Variants in PARP8 observed in about 807,000 individuals in gnomAD.
PARP8 encodes the protein poly(ADP-ribose) polymerase family member 8.
PARP8 carries 51 observed loss-of-function variants against 124.1 expected under a neutral mutation model. The observed-to-expected ratio is 0.41, with a 90% confidence interval of 0.33 to 0.52. The LOEUF (loss-of-function observed/expected upper bound fraction) is 0.52, where lower values mean the gene tolerates loss of function less well. Among genes scored for constraint, PARP8 ranks in the 20% least tolerant of loss-of-function variants. The pLI, the probability that PARP8 is intolerant of heterozygous loss-of-function variation, is 0.21. For synonymous variants in PARP8, 391 were observed against 361.5 expected (o/e 1.08, Z -0.93); for missense variants, 860 against 1,018.9 (o/e 0.84, Z 2.12).
At chr5:50,783,441 A>G (rs1740894802) in intron 9 of PARP8, among the ~76,000 whole-genome samples, 1 of 152,160 alleles carries the variant, frequency 6.6e-6, no homozygotes, top group South Asian at 2.1e-4. Context: ...GCTGTTAGAC[A>G]TTTTTTGATT....
intron 10 of PARP8, among the ~76,000 whole-genome samples, chr5:50,790,084 G>A (rs1229635670): frequency 6.6e-6 from 1 of 152,116 alleles, no homozygotes; most frequent in African/African-American, 2.4e-5. Context: ...TGAGTTGTGT[G>A]CCTACCACAT....
chr5:50,822,300 A>T (rs1158078201), intron 16 of PARP8, 35 bp from the exon 17 acceptor site: 1 of 1,462,680 alleles, frequency 6.8e-7, no homozygotes, highest in East Asian at 2.3e-5. Context: ...TTATAAGCAA[A>T]TGCTGTTTTT....
At chr5:50,679,194 T>G (rs1751001341) in intron 2 of PARP8, among the ~76,000 whole-genome samples, 1 of 152,178 alleles carries the variant, frequency 6.6e-6, no homozygotes, top group African/African-American at 2.4e-5. Context: ...CTGATCAATA[T>G]AAATGCATGC....
chr5:50,668,795 T>C (rs1180035390), intron 2 of PARP8: 4 of 152,306 alleles, frequency 2.6e-5, no homozygotes, highest in Admixed American at 6.5e-5. Context: ...TCAAATACTA[T>C]GCCTTGCTAC....
At chr5:50,727,517 TGTTAATGTACATG>T (rs1237788073) in intron 2 of PARP8, among the ~76,000 whole-genome samples, 2 of 152,208 alleles carry the variant, frequency 1.3e-5, no homozygotes, top group African/African-American at 4.8e-5. Flanking sequence ...AAAATACTTC[TGTTAATGTACATG>T]GCTTGTAGGC....
chr5:50,671,314 G>A (rs1321177173), intron 2 of PARP8, among the ~76,000 whole-genome samples: 2 of 152,180 alleles, frequency 1.3e-5, no homozygotes, highest in Admixed American at 1.3e-4. Flanking sequence ...CAGCTACTGA[G>A]GGGATGGATA....
At chr5:50,718,840 A>G (rs1375128) in intron 2 of PARP8, among the ~76,000 whole-genome samples, 77,713 of 151,856 alleles carry the variant, frequency 0.51, 22,597 homozygotes, top group East Asian at 0.64. Context: ...ATACACAGCA[A>G]TGGAATTGCT....
intron 2 of PARP8, among the ~76,000 whole-genome samples, chr5:50,718,259 T>A (rs572250468): frequency 6.6e-6 from 1 of 152,034 alleles, no homozygotes; most frequent in Non-Finnish European, 1.5e-5. Flanking sequence ...AGGTAAGAGC[T>A]TTGATAAAAC....
chr5:50,819,660 C>G (rs561273853), intron 15 of PARP8, among the ~76,000 whole-genome samples: 1 of 151,926 alleles, frequency 6.6e-6, no homozygotes, highest in South Asian at 2.1e-4. Context: ...AGGCTGGTCT[C>G]GAACTCCTGA....
intron 7 of PARP8, among the ~76,000 whole-genome samples, chr5:50,766,356 T>A (rs1457682494): frequency 6.6e-6 from 1 of 152,202 alleles, no homozygotes; most frequent in Non-Finnish European, 1.5e-5. Flanking sequence ...AAAACGCATT[T>A]TATGTTTTTC....
intron 3 of PARP8, among the ~76,000 whole-genome samples, chr5:50,757,871 C>A (rs1346241330): frequency 2.6e-5 from 4 of 152,116 alleles, no homozygotes; most frequent in African/African-American, 9.7e-5. Flanking sequence ...ATCCACCTTA[C>A]GGATTCTTCT....
intron 3 of PARP8, among the ~76,000 whole-genome samples, chr5:50,751,724 A>G (rs1759289179): frequency 6.6e-6 from 1 of 152,096 alleles, no homozygotes; most frequent in Admixed American, 6.6e-5. Flanking sequence ...ATTAAATAAC[A>G]TTTTCCCAAA....
At chr5:50,781,802 A>T (rs1169655339) in intron 9 of PARP8, among the ~76,000 whole-genome samples, 2 of 152,130 alleles carry the variant, frequency 1.3e-5, no homozygotes, top group Non-Finnish European at 2.9e-5. Context: ...GTCTGTACAA[A>T]TTCTAAGTTG....
At chr5:50,678,663 T>C (rs1202211598) in intron 2 of PARP8, among the ~76,000 whole-genome samples, 1 of 152,192 alleles carries the variant, frequency 6.6e-6, no homozygotes, top group Non-Finnish European at 1.5e-5. Flanking sequence ...GCCCAAGACC[T>C]GAGACATGCA....
Position 50,732,169 on chromosome 5 carries a change from A to T in PARP8, c.147-17982A>T, listed in dbSNP as rs78965240. Reference sequence around the variant, plus strand: ...TTTCCTGAAGAATTAGTATGTGAACATGAGAACATTGGTTTCTTACTCATC... The same window carrying T: ...TTTCCTGAAGAATTAGTATGTGAACTTGAGAACATTGGTTTCTTACTCATC... On this transcript the variant is annotated intron_variant, in intron 2 of 25. Coordinates refer to ENST00000281631, the MANE Select transcript of PARP8 (RefSeq NM_024615.4). Among the ~76,000 whole-genome samples the T allele has an allele frequency of 3.7e-3, 568 of 152,176 alleles. 2 individuals are homozygous for T. The highest frequency in any genetic ancestry group is 0.013 in the African/African-American group (523 of 41,414).
At chr5:50,792,168 G>A (rs1279877368) in intron 10 of PARP8, among the ~76,000 whole-genome samples, 1 of 152,018 alleles carries the variant, frequency 6.6e-6, no homozygotes, top group African/African-American at 2.4e-5. Context: ...CCAATCACTG[G>A]CAATGGTAGT....
At position 50,845,184 on chromosome 5, in the gene PARP8, G is replaced by A. The variant is rs1008136628; in HGVS notation, c.*3116G>A. ...AAGAAAGAAAATCTATAATATGTAA[G>A]TCTATGAATCTTTAAATAACTGAAG... On this transcript the variant is annotated 3_prime_UTR_variant, in exon 26 of 26. Coordinates refer to ENST00000281631, the MANE Select transcript of PARP8 (RefSeq NM_024615.4). 1 of 151,492 alleles carries A rather than the reference G, an allele frequency of 6.6e-6. No individual in the cohort carries two copies. The allele number at this position is 151,492 out of a possible 1,614,324, so 9.4% of individuals were successfully genotyped here. A position where few individuals can be genotyped will look rare whatever the true frequency, so the allele number is the denominator to read the frequency against.
At chr5:50,814,698 G>A (rs1159500436) in intron 14 of PARP8, among the ~76,000 whole-genome samples, 1 of 152,110 alleles carries the variant, frequency 6.6e-6, no homozygotes, top group Non-Finnish European at 1.5e-5. Flanking sequence ...AGGAGCAGTG[G>A]CACTAACAAA....
At chr5:50,780,789 G>A (rs1740580194) in intron 9 of PARP8, among the ~76,000 whole-genome samples, 1 of 152,106 alleles carries the variant, frequency 6.6e-6, no homozygotes, top group Non-Finnish European at 1.5e-5. Context: ...AGTAAAATTA[G>A]CAAGGTCATG....
Sources: gnomAD v4.1 joint callset for allele counts (sites outside exome capture counted in the v4.1 genomes callset) on GRCh38, gnomAD v4.1.1 for gene constraint, MANE v1.5 for transcripts, NCBI Gene and HGNC (gene_info 2026-07-23, HGNC 2026-07-21) for gene names.